BSN: variants seen among roughly 807,000 people sequenced by gnomAD.
BSN encodes the protein bassoon presynaptic cytomatrix protein, also known as protein bassoon.
Under a neutral mutation model 264.8 loss-of-function variants are expected in BSN, and 57 were observed. The observed-to-expected ratio is 0.22, with a 90% CI of 0.17 to 0.27. The LOEUF (loss-of-function observed/expected upper bound fraction) is 0.27. Ranked by LOEUF, BSN falls within the 10% of genes least tolerant of loss-of-function variation. The pLI is 1.00. For synonymous variants in BSN, 2,059 were observed against 2,137.3 expected, an observed-to-expected ratio of 0.96 and a Z score of 1.01; for missense variants, 4,615 against 5,232.5, an observed-to-expected ratio of 0.88 and a Z score of 3.64.
chr3:49,611,409 T>C (rs140044537), intron 1 of BSN, among the ~76,000 whole-genome samples: 1 of 152,300 alleles, frequency 6.6e-6, no homozygotes, highest in East Asian at 1.9e-4. Flanking sequence ...AGTTGTATCA[T>C]GCGGGGTCCT....
chr3:49,595,043 A>C (rs1316979283), intron 1 of BSN, among the ~76,000 whole-genome samples: 1 of 151,938 alleles, frequency 6.6e-6, no homozygotes, highest in Admixed American at 6.6e-5. Flanking sequence ...GGCGTGCACC[A>C]TCATGCCCGG....
intron 1 of BSN, among the ~76,000 whole-genome samples, chr3:49,602,283 A>G (rs1247157929): frequency 6.6e-6 from 1 of 152,114 alleles, no homozygotes; most frequent in Non-Finnish European, 1.5e-5. Context: ...ACTCATTCTG[A>G]CTGAATTCGC....
At chr3:49,624,896 G>A (rs1222983373) in intron 1 of BSN, 79 bp from the exon 2 acceptor site, 20 of 1,379,162 alleles carry the variant, frequency 1.5e-5, no homozygotes, top group Admixed American at 2.7e-5. Context: ...GCTTGGCAGG[G>A]TCACCTAGCT....
Position 49,654,116 on chromosome 3 carries a change from C to A in BSN, c.4560C>A (p.Ser1520Arg). The change falls in exon 5 of 12, where the codon AGC (serine) becomes AGA (arginine). Residue 1520 changes from serine to arginine, a missense_variant. Ser to Arg is a moderately radical substitution (Grantham distance 110). Around this residue, in one of 3 missense-constraint regions of BSN, gnomAD observed 3,415 missense variants for 3,866.4 expected, o/e 0.88. Transcript: ENST00000296452. This position sits in a 1 kb window ranked among gnomAD's most constrained non-coding sequence, Gnocchi z 4.1. The stretch of plus-strand genomic sequence containing the variant: ...CCCCTGCCTCAGACATGCCACGGAG[C>A]CCTGGTGCCCCCACTCCATCACCTA... ...SPAPASDMPRSPGAPTPSPMV... is the reference protein window; with the variant it reads ...SPAPASDMPRRPGAPTPSPMV... The A allele has an allele frequency of 6.2e-7, 1 of 1,614,012 alleles. No individual in the cohort carries two copies. The highest frequency in any genetic ancestry group is 8.5e-7 in the Non-Finnish European group (1 of 1,180,030).
At chr3:49,634,905 C>T (rs1428546399) in intron 2 of BSN, among the ~76,000 whole-genome samples, 1 of 152,150 alleles carries the variant, frequency 6.6e-6, no homozygotes, top group Non-Finnish European at 1.5e-5. Flanking sequence ...ACACCCCTCC[C>T]CCGCCCAGCT....
chr3:49,571,721 A>T (rs1032061844), intron 1 of BSN, among the ~76,000 whole-genome samples: 20 of 152,138 alleles, frequency 1.3e-4, no homozygotes, highest in Admixed American at 1.2e-3. Context: ...CTCTGTAAAC[A>T]AGCCGACATG....
chr3:49,618,463 TCTC>T (rs1232777763), intron 1 of BSN, among the ~76,000 whole-genome samples: 1 of 152,120 alleles, frequency 6.6e-6, no homozygotes, highest in Non-Finnish European at 1.5e-5. Flanking sequence ...ATCATCTTCT[TCTC>T]CTTGAAGAGA....
In BSN at chr3:49,554,591, C is replaced by CGCCT; in HGVS notation, c.-8_-5dup. 1.0e-6 allele frequency: 1 copy of CGCCT among 977,690 alleles called. No homozygotes were observed. Among genetic ancestry groups the CGCCT allele is most frequent in the Non-Finnish European group, 1.2e-6 (1 of 823,238 alleles). 60.6% of individuals were successfully genotyped at this position (977,690 alleles called of 1,614,324 possible). Reference sequence around the variant, plus strand: ...CAGCGCGACCCCGACCCCGCCCGCCCGCCTGCCCGCCATGGGCAACGAGGT... The same window carrying CGCCT: ...CAGCGCGACCCCGACCCCGCCCGCCCGCCTGCCTGCCCGCCATGGGCAACGAGGT... On this transcript the variant is annotated 5_prime_UTR_variant, in exon 1 of 12. Transcript: ENST00000296452.
intron 1 of BSN, among the ~76,000 whole-genome samples, chr3:49,613,170 C>T (rs1034322622): frequency 6.6e-6 from 1 of 151,692 alleles, no homozygotes; most frequent in Non-Finnish European, 1.5e-5. Flanking sequence ...AAAGGCCAGA[C>T]TGAATTTTGA....
chr3:49,632,591 C>T (rs889005471), intron 2 of BSN, among the ~76,000 whole-genome samples: 2 of 152,034 alleles, frequency 1.3e-5, no homozygotes, highest in Non-Finnish European at 2.9e-5. Context: ...ATTGCCTGAG[C>T]TCAGGAGTTT....
At position 49,656,155 on chromosome 3, in the gene BSN, C is replaced by T; in HGVS notation, c.6599C>T (p.Thr2200Ile). 4 of 1,613,094 alleles carry T rather than the reference C, an allele frequency of 2.5e-6. No homozygotes were observed. Among genetic ancestry groups the T allele is most frequent in the Non-Finnish European group, 3.4e-6 (4 of 1,179,948 alleles). The change falls in exon 5 of 12, where the codon ACC becomes ATC. Residue 2200 changes from threonine (T) to isoleucine (I), a missense_variant. Physicochemically the swap from Thr to Ile is moderately conservative, Grantham distance 89. Around this residue, in one of 3 missense-constraint regions of BSN, gnomAD observed 3,415 missense variants for 3,866.4 expected, o/e 0.88. Coordinates refer to ENST00000296452, the MANE Select transcript of BSN (RefSeq NM_003458.4). ...ADGMIYSTINTPIAATLPITT... is the reference protein window; with the variant it reads ...ADGMIYSTINIPIAATLPITT... ...GGCATGATCTACTCGACTATCAATA[C>T]CCCAATTGCTGCAACACTGCCCATC...
intron 1 of BSN, among the ~76,000 whole-genome samples, chr3:49,602,831 C>T (rs531154428): frequency 2.6e-5 from 4 of 152,318 alleles, no homozygotes; most frequent in South Asian, 4.1e-4. Context: ...AAATGTCTGT[C>T]GCATGCTAAG....
intron 1 of BSN, among the ~76,000 whole-genome samples, chr3:49,600,524 T>C (rs1298562043): frequency 6.6e-6 from 1 of 151,986 alleles, no homozygotes; most frequent in Non-Finnish European, 1.5e-5. Flanking sequence ...ATCCTAACAC[T>C]TTGGGAGACT....
chr3:49,614,989 G>T (rs984655116), intron 1 of BSN, among the ~76,000 whole-genome samples: 1 of 152,162 alleles, frequency 6.6e-6, no homozygotes, highest in Non-Finnish European at 1.5e-5. Context: ...GATGCTGGCA[G>T]CTTCTTCTAG....
rs372848478 is a variant in BSN at position 49,654,509 on chromosome 3, G to A, written c.4953G>A (p.Thr1651=). 74 of 1,611,258 alleles carry A rather than the reference G, an allele frequency of 4.6e-5. No individual in the cohort carries two copies. Among genetic ancestry groups the A allele is most frequent in the East Asian group, 1.3e-4 (6 of 44,864 alleles). The change falls in exon 5 of 12, where the codon ACG becomes ACA. Residue 1651 remains threonine (T), a synonymous_variant. Coordinates refer to ENST00000296452, the MANE Select transcript of BSN (RefSeq NM_003458.4). The surrounding 1 kb of genome is among the most constrained non-coding windows in gnomAD (Gnocchi z 4.1). ...SLCRISSVPG[T]SRVEPGPRTP... ...GCCGGATCTCCTCTGTCCCTGGGAC[G>A]TCTAGGGTTGAGCCAGGCCCCAGGA...
chr3:49,567,558 A>G (rs2051761907), intron 1 of BSN, among the ~76,000 whole-genome samples: 1 of 152,148 alleles, frequency 6.6e-6, no homozygotes, highest in South Asian at 2.1e-4. Context: ...TGTTCTTCTT[A>G]CGGAGATGAG....
chr3:49,666,512 T>C (rs1173529616), intron 11 of BSN, among the ~76,000 whole-genome samples: 1 of 152,170 alleles, frequency 6.6e-6, no homozygotes, highest in African/African-American at 2.4e-5. Flanking sequence ...TAAAATTCAA[T>C]TAAAAAGGTA....
At chr3:49,609,206 A>G (rs1256807892) in intron 1 of BSN, among the ~76,000 whole-genome samples, 1 of 148,324 alleles carries the variant, frequency 6.7e-6, no homozygotes, top group African/African-American at 2.5e-5. Context: ...GGCTCAAGGG[A>G]TCCATTTGCC....
chr3:49,614,766 T>C (rs2052246651), intron 1 of BSN, among the ~76,000 whole-genome samples: 5 of 152,250 alleles, frequency 3.3e-5, no homozygotes, highest in Admixed American at 3.3e-4. Flanking sequence ...GTTACCCTTA[T>C]GTTACCCTTA....
Sources: allele counts gnomAD v4.1 joint callset (sites outside exome capture counted in the v4.1 genomes callset), GRCh38; gene constraint gnomAD v4.1.1; regional missense constraint gnomAD v4.1.1; non-coding constraint Gnocchi (gnomAD v3.1); transcripts MANE v1.5; gene names NCBI Gene and HGNC (gene_info 2026-07-23, HGNC 2026-07-21).